GATA4: variants seen among roughly 807,000 people sequenced by gnomAD.
The protein encoded by GATA4 is GATA binding protein 4, also known as transcription factor GATA-4.
GATA4 carries 7 observed loss-of-function variants against 37.9 expected under a neutral mutation model. That is an observed-to-expected ratio of 0.18 (90% confidence interval 0.11 to 0.35). The LOEUF (loss-of-function observed/expected upper bound fraction) is 0.35, where lower values mean the gene tolerates loss of function less well. Among genes scored for constraint, GATA4 ranks in the 10% least tolerant of loss-of-function variants. The pLI is 1.00. For synonymous variants in GATA4, 372 were observed against 292.6 expected (o/e 1.27, Z -2.77); for missense variants, 647 against 653.0 (o/e 0.99, Z 0.10).
intron 2 of GATA4, among the ~76,000 whole-genome samples, chr8:11,731,367 T>A (rs1386250646): frequency 6.6e-6 from 1 of 152,214 alleles, no homozygotes; most frequent in Non-Finnish European, 1.5e-5. Context: ...AATGAACAAA[T>A]GTGGTCTGTG....
intron 6 of GATA4, among the ~76,000 whole-genome samples, chr8:11,758,086 G>A (rs1481378850): frequency 2.0e-5 from 3 of 152,194 alleles, no homozygotes; most frequent in Non-Finnish European, 2.9e-5. Context: ...TGTATACTGT[G>A]CTCAGAAGCA....
intron 2 of GATA4, among the ~76,000 whole-genome samples, chr8:11,741,658 TATAGGCCCAC>T (rs1801746699): frequency 6.6e-6 from 1 of 152,120 alleles, no homozygotes; most frequent in African/African-American, 2.4e-5. Flanking sequence ...ATGCTGTAAT[TATAGGCCCAC>T]ATGGAGGGGT....
At chr8:11,690,903 GATACCCTGCACAAT>G (rs1799291872), upstream of GATA4, among the ~76,000 whole-genome samples, 1 of 152,242 alleles carries the variant, frequency 6.6e-6, no homozygotes, top group Non-Finnish European at 1.5e-5. Flanking sequence ...TATGTAAGAA[GATACCCTGCACAAT>G]ACCAATGCCT....
At chr8:11,721,146 G>C (rs1260949617) in intron 2 of GATA4, among the ~76,000 whole-genome samples, 2 of 151,624 alleles carry the variant, frequency 1.3e-5, no homozygotes, top group Non-Finnish European at 2.9e-5. Flanking sequence ...AGCGCAAGGG[G>C]GCGAAAGTGG....
rs1585595889 is a variant in GATA4 at position 11,708,612 on chromosome 8, C to T, written c.300C>T (p.Thr100=). 8.9e-6 allele frequency: 12 copies of T among 1,346,428 alleles called. No homozygotes were observed. The East Asian group carries it at 2.8e-4, about 32-fold the overall frequency. 83.4% of individuals were successfully genotyped at this position (1,346,428 alleles called of 1,614,324 possible). A position where few individuals can be genotyped will look rare whatever the true frequency, so the allele number is the denominator to read the frequency against. The stretch of plus-strand genomic sequence containing the variant: ...CGGGAGCCGACGGAGCCGCTTACAC[C>T]CCGCCGCCGGTGTCGCCGCGCTTCT... ...SQAGADGAAY[T]PPPVSPRFSF... Residue 100 remains threonine, a synonymous_variant, in exon 2 of 7, where the codon ACC becomes ACT. Transcript: ENST00000532059. This position sits in a 1 kb window ranked among gnomAD's most constrained non-coding sequence, Gnocchi z 6.7.
chr8:11,722,823 C>G (rs1310734309), intron 2 of GATA4, among the ~76,000 whole-genome samples: 2 of 152,202 alleles, frequency 1.3e-5, no homozygotes, highest in African/African-American at 4.8e-5. Context: ...TGGTAATATT[C>G]TACTGCCACC....
chr8:11,678,411 C>A (rs551464015), intron 1 of GATA4, among the ~76,000 whole-genome samples: 61 of 152,342 alleles, frequency 4.0e-4, no homozygotes, highest in African/African-American at 1.4e-3. Context: ...ACAAAACTTA[C>A]AATCATCTGC....
chr8:11,722,364 C>G (rs945042945), intron 2 of GATA4, among the ~76,000 whole-genome samples: 1 of 152,178 alleles, frequency 6.6e-6, no homozygotes, highest in African/African-American at 2.4e-5. Flanking sequence ...TACGAGGACT[C>G]TTTTATTTTA....
intron 2 of GATA4, among the ~76,000 whole-genome samples, chr8:11,731,452 C>T (rs749705716): frequency 2.6e-5 from 4 of 152,334 alleles, no homozygotes; most frequent in South Asian, 4.1e-4. Flanking sequence ...GAAGACATTA[C>T]GCTAAGTGAA....
At chr8:11,700,049 C>T (rs938032614), upstream of GATA4, among the ~76,000 whole-genome samples, 3 of 152,218 alleles carry the variant, frequency 2.0e-5, no homozygotes, top group Admixed American at 1.3e-4. Context: ...AGTACCTTAA[C>T]CTCTCTGAGC....
At chr8:11,751,835 C>T (rs979856535) in intron 4 of GATA4, among the ~76,000 whole-genome samples, 1 of 152,184 alleles carries the variant, frequency 6.6e-6, no homozygotes, top group African/African-American at 2.4e-5. Context: ...ATTAGATACT[C>T]TCATATATTA....
Position 11,683,069 on chromosome 8 carries a change from C to A in GATA4, c.-274+6006C>A, listed in dbSNP as rs538782265. 2.6e-5 allele frequency: 26 copies of A among 985,184 alleles called. No individual in the cohort carries two copies. In the East Asian group the frequency reaches 3.4e-4, roughly 13 times the overall value. 61.0% of individuals were successfully genotyped at this position (985,184 alleles called of 1,614,324 possible). On this transcript the variant is annotated intron_variant, in intron 1 of 6. Transcript: ENST00000528712. ...GACAGCTCTCTGGTGTCTCTTACCCCCTAGGTTTTCCCAGCCTTCTCGCCG... is the reference window on the plus strand; with the variant it reads ...GACAGCTCTCTGGTGTCTCTTACCCACTAGGTTTTCCCAGCCTTCTCGCCG...
intron 4 of GATA4, among the ~76,000 whole-genome samples, chr8:11,751,056 A>T (rs1396256032): frequency 6.6e-6 from 1 of 152,200 alleles, no homozygotes; most frequent in African/African-American, 2.4e-5. Context: ...GGATGGGAGA[A>T]CTTCTTAAAC....
intron 2 of GATA4, among the ~76,000 whole-genome samples, chr8:11,718,110 AG>A (rs1413746739): frequency 2.0e-5 from 3 of 152,256 alleles, no homozygotes; most frequent in Non-Finnish European, 2.9e-5. Context: ...TCATAATAAA[AG>A]CACAATAATG....
chr8:11,701,892 G>A (rs1799689473), upstream of GATA4, among the ~76,000 whole-genome samples: 2 of 152,124 alleles, frequency 1.3e-5, no homozygotes, highest in Admixed American at 1.3e-4. Flanking sequence ...GCCCAGGGTT[G>A]GCAGAAAGCG....
At chr8:11,725,382 C>T (rs902332753) in intron 2 of GATA4, among the ~76,000 whole-genome samples, 18 of 152,236 alleles carry the variant, frequency 1.2e-4, no homozygotes, top group Admixed American at 2.0e-4. Context: ...GTTGAAGCCC[C>T]GTGCATCACG....
chr8:11,697,536 G>T, intron 1 of GATA4: 1 of 985,268 alleles, frequency 1.0e-6, no homozygotes, highest in Non-Finnish European at 1.2e-6. Flanking sequence ...AGGTGGTCGT[G>T]GAGGCCACTT....
intron 2 of GATA4, among the ~76,000 whole-genome samples, chr8:11,740,513 G>C (rs762659871): frequency 2.8e-4 from 42 of 152,210 alleles, no homozygotes; most frequent in Non-Finnish European, 2.6e-4. Flanking sequence ...ACAGCAGCTG[G>C]GAGGCCCAGG....
chr8:11,758,292 G>A lies in GATA4; in HGVS notation c.1150-1G>A. ...CTCATCGTGTGCTTTCTGCTTTTCA[G>A]ACGTTCTCAGTCAGTGCGATGTCTG... is the stretch of plus-strand genomic sequence containing the variant. On this transcript the variant is annotated splice_acceptor_variant, in intron 6 of 6. Coordinates refer to ENST00000532059, the MANE Select transcript of GATA4 (RefSeq NM_001308093.3). LOFTEE classifies it high-confidence loss of function. The A allele has an allele frequency of 6.2e-7, 1 of 1,614,128 alleles. No individual in the cohort carries two copies.
Sources: gnomAD v4.1 joint callset for allele counts (sites outside exome capture counted in the v4.1 genomes callset) on GRCh38, gnomAD v4.1.1 for gene constraint, Gnocchi (gnomAD v3.1) non-coding constraint, MANE v1.5 for transcripts, NCBI Gene and HGNC (gene_info 2026-07-23, HGNC 2026-07-21) for gene names.